Variants in ABTB3 observed in about 807,000 individuals in gnomAD.
The protein encoded by ABTB3 is ankyrin repeat and BTB domain containing 3.
the ABTB3 span, among the ~76,000 whole-genome samples, chr12:107,565,871 A>C: frequency 2.6e-5 from 4 of 152,316 alleles, no homozygotes; most frequent in Admixed American, 6.5e-5. Flanking sequence ...GTGTCCACGG[A>C]GTGAGAGGCC....
chr12:107,484,779 G>T, the ABTB3 span, among the ~76,000 whole-genome samples: 3 of 152,206 alleles, frequency 2.0e-5, no homozygotes, highest in Non-Finnish European at 4.4e-5. Context: ...TTGAGAAGCA[G>T]TTGGGCTCTG....
At chr12:107,649,147 G>A in the ABTB3 span, 15 of 1,489,348 alleles carry the variant, frequency 1.0e-5, no homozygotes, top group African/African-American at 6.9e-5. Context: ...GGCATCCACC[G>A]AATGGCTTTG....
the ABTB3 span, chr12:107,635,509 A>G: frequency 1.7e-5 from 14 of 803,614 alleles, no homozygotes; most frequent in South Asian, 2.1e-4. Flanking sequence ...AGGTCAGTAC[A>G]GGAGTCAGGC....
chr12:107,590,345 T>C, the ABTB3 span, among the ~76,000 whole-genome samples: 4 of 152,210 alleles, frequency 2.6e-5, no homozygotes, highest in African/African-American at 7.2e-5. Flanking sequence ...AAACAGGTGC[T>C]GTTGAAGCCA....
the ABTB3 span, among the ~76,000 whole-genome samples, chr12:107,509,697 AT>A: frequency 6.6e-6 from 1 of 152,242 alleles, no homozygotes; most frequent in Non-Finnish European, 1.5e-5. Flanking sequence ...GCTTTTCCGA[AT>A]TGGAGTAGGG....
the ABTB3 span, among the ~76,000 whole-genome samples, chr12:107,419,799 C>T: frequency 2.6e-5 from 4 of 152,206 alleles, no homozygotes; most frequent in Non-Finnish European, 5.9e-5. Context: ...GACTTGCTAA[C>T]CTTGATTCGA....
chr12:107,520,710 C>T, the ABTB3 span: 1 of 1,568,042 alleles, frequency 6.4e-7, no homozygotes, highest in African/African-American at 1.3e-5. Context: ...ACACAATGTC[C>T]TCATGCCAAC....
At chr12:107,374,737 A>C in the ABTB3 span, 2 of 153,074 alleles carry the variant, frequency 1.3e-5, no homozygotes, top group Non-Finnish European at 2.9e-5. Context: ...GGCACCACCC[A>C]GCTGAAACAT....
At chr12:107,388,861 T>C in the ABTB3 span, among the ~76,000 whole-genome samples, 75 of 152,262 alleles carry the variant, frequency 4.9e-4, no homozygotes, top group Non-Finnish European at 1.0e-4. Flanking sequence ...ATGATGATGA[T>C]GGTTATCAGG....
At chr12:107,378,081 C>A in the ABTB3 span, among the ~76,000 whole-genome samples, 1 of 152,188 alleles carries the variant, frequency 6.6e-6, no homozygotes, top group Non-Finnish European at 1.5e-5. Context: ...TCACAAACAC[C>A]AGTGGAGTGC....
At chr12:107,491,703 G>T in the ABTB3 span, among the ~76,000 whole-genome samples, 4 of 151,948 alleles carry the variant, frequency 2.6e-5, no homozygotes, top group Non-Finnish European at 5.9e-5. Context: ...TGCGCCTGTA[G>T]TCGCAGCTAC....
At chr12:107,411,285 C>T in the ABTB3 span, among the ~76,000 whole-genome samples, 4 of 152,124 alleles carry the variant, frequency 2.6e-5, no homozygotes, top group Non-Finnish European at 5.9e-5. Context: ...GGCAACAGAG[C>T]GAGACTCCGT....
the ABTB3 span, among the ~76,000 whole-genome samples, chr12:107,331,660 T>C: frequency 6.6e-6 from 1 of 152,140 alleles, no homozygotes; most frequent in South Asian, 2.1e-4. Flanking sequence ...TTGGAGCTCC[T>C]CCTTCCCACC....
chr12:107,323,041 C>T, the ABTB3 span, among the ~76,000 whole-genome samples: 4 of 152,180 alleles, frequency 2.6e-5, no homozygotes, highest in African/African-American at 9.7e-5. Context: ...TATTAGATAC[C>T]TTTTTGAGTT....
the ABTB3 span, among the ~76,000 whole-genome samples, chr12:107,568,412 GC>G: frequency 6.6e-6 from 1 of 152,138 alleles, no homozygotes; most frequent in African/African-American, 2.4e-5. Context: ...ATCTACCATA[GC>G]CCCCTTCCCA....
the ABTB3 span, among the ~76,000 whole-genome samples, chr12:107,642,611 G>A: frequency 6.6e-6 from 1 of 152,328 alleles, no homozygotes; most frequent in African/African-American, 2.4e-5. Context: ...TGAGCCACAG[G>A]AAGGATAGGG....
chr12:107,433,636 G>A, the ABTB3 span, among the ~76,000 whole-genome samples: 1 of 152,188 alleles, frequency 6.6e-6, no homozygotes, highest in South Asian at 2.1e-4. Flanking sequence ...TCTTAGGTTG[G>A]TTTTGCCCCA....
At chr12:107,612,935 G>A in the ABTB3 span, 2 of 1,475,126 alleles carry the variant, frequency 1.4e-6, no homozygotes, top group African/African-American at 1.4e-5. Context: ...AGCAAGAAAG[G>A]GGGGCTTTTT....
the ABTB3 span, among the ~76,000 whole-genome samples, chr12:107,335,547 GTTT>G: frequency 2.6e-5 from 4 of 152,200 alleles, no homozygotes; most frequent in Admixed American, 2.6e-4. Flanking sequence ...CATCAGCAGA[GTTT>G]TTCTTCTTGT....
Sources: allele counts gnomAD v4.1 joint callset (sites outside exome capture counted in the v4.1 genomes callset), GRCh38; gene constraint gnomAD v4.1.1; transcripts MANE v1.5; gene names NCBI Gene and HGNC (gene_info 2026-07-23, HGNC 2026-07-21).